The following LTBP1 variants were observed in gnomAD, a reference collection of about 807,000 sequenced individuals.
LTBP1 encodes the protein latent transforming growth factor beta binding protein 1, also known as latent-transforming growth factor beta-binding protein 1.
LTBP1 carries 129 observed loss-of-function variants against 207.6 expected under a neutral mutation model. The observed-to-expected ratio is 0.62, with a 90% CI of 0.54 to 0.72. The LOEUF (loss-of-function observed/expected upper bound fraction) is 0.72. LTBP1 is among the 30% of genes least tolerant of loss of function. The probability of loss-of-function intolerance (pLI) is 0.00; values close to 1 mark genes in which losing one functional copy is unlikely to be tolerated. For synonymous variants in LTBP1, 963 were observed against 833.7 expected (o/e 1.16, Z -2.67); for missense variants, 2,281 against 2,217.2 (o/e 1.03, Z -0.58).
At chr2:33,309,286 A>G (rs1353198303) in intron 22 of LTBP1, 148 bp from the exon 23 acceptor site, 2 of 547,882 alleles carry the variant, frequency 3.7e-6, no homozygotes, top group Non-Finnish European at 2.9e-6. Context: ...GTCTCAAAAA[A>G]AAAAAAAAAA....
At chr2:33,375,281 AG>A (rs1490015237) in intron 31 of LTBP1, among the ~76,000 whole-genome samples, 2 of 152,220 alleles carry the variant, frequency 1.3e-5, no homozygotes, top group African/African-American at 4.8e-5. Flanking sequence ...ATCCAGTTCT[AG>A]GAAATGAGTC....
At chr2:33,279,375 T>A (rs189308177) in intron 18 of LTBP1, among the ~76,000 whole-genome samples, 117 of 152,320 alleles carry the variant, frequency 7.7e-4, no homozygotes, top group African/African-American at 2.5e-3. Context: ...TTGGAAAGAA[T>A]GATGATTAAT....
At chr2:32,983,527 A>G (rs112272378) in intron 2 of LTBP1, among the ~76,000 whole-genome samples, 1 of 152,176 alleles carries the variant, frequency 6.6e-6, no homozygotes, top group South Asian at 2.1e-4. Flanking sequence ...GTGGAATGAT[A>G]TGGTTTGTCT....
intron 5 of LTBP1, among the ~76,000 whole-genome samples, chr2:33,141,200 A>T (rs189988814): frequency 2.6e-5 from 4 of 152,360 alleles, no homozygotes; most frequent in Admixed American, 2.6e-4. Context: ...ACAAAAAACC[A>T]AATACAGTAT....
chr2:33,142,297 C>T (rs879292740), intron 5 of LTBP1, among the ~76,000 whole-genome samples: 5 of 152,060 alleles, frequency 3.3e-5, no homozygotes, highest in African/African-American at 9.7e-5. Context: ...TCTCGTGATC[C>T]GCCCGCCTCG....
At chr2:33,055,867 G>A (rs1319914403) in intron 3 of LTBP1, among the ~76,000 whole-genome samples, 2 of 152,148 alleles carry the variant, frequency 1.3e-5, no homozygotes, top group African/African-American at 4.8e-5. Flanking sequence ...TGGTCCTTTG[G>A]AGATTTCTTT....
chr2:33,200,512 C>A (rs1340224474), intron 7 of LTBP1, among the ~76,000 whole-genome samples: 2 of 152,154 alleles, frequency 1.3e-5, no homozygotes, highest in Non-Finnish European at 2.9e-5. Flanking sequence ...AGACCTAAAA[C>A]CATAAAAACC....
Position 33,382,111 on chromosome 2 carries a change from T to TTTTTTTTTTTTTTTTTTTTTTTTTG in LTBP1, c.4712-7072_4712-7071insTTTTTTTTTTTTTTTTTTTTTTTGT, listed in dbSNP as rs1553316521. ...TTTTTTTTTTTTTTTTTTTTTTTTTTTGAGACAGAGTCTCGCTCTGTTGCC... is the reference window on the plus strand; with the variant it reads ...TTTTTTTTTTTTTTTTTTTTTTTTTTTTTTTTTTTTTTTTTTTTTTTTTTGTGAGACAGAGTCTCGCTCTGTTGCC... On this transcript the variant is annotated intron_variant, in intron 31 of 33. Coordinates refer to ENST00000404816, the MANE Select transcript of LTBP1 (RefSeq NM_206943.4). 5.8e-5 allele frequency among the ~76,000 whole-genome samples: 6 copies of TTTTTTTTTTTTTTTTTTTTTTTTTG among 103,650 alleles called. 2 individuals carry two copies. Among genetic ancestry groups the TTTTTTTTTTTTTTTTTTTTTTTTTG allele is most frequent in the African/African-American group, 2.9e-4 (6 of 20,682 alleles). The allele number at this position is 103,650 out of a possible 152,430, so 68.0% of individuals were successfully genotyped here. A position where few individuals can be genotyped will look rare whatever the true frequency, so the allele number is the denominator to read the frequency against.
At chr2:33,286,616 T>C (rs1422906309) in intron 19 of LTBP1, among the ~76,000 whole-genome samples, 2 of 152,228 alleles carry the variant, frequency 1.3e-5, no homozygotes, top group Admixed American at 1.3e-4. Flanking sequence ...ACTAAGCTAT[T>C]TATTGAGCTG....
chr2:33,187,735 A>C (rs1427801008), intron 6 of LTBP1, among the ~76,000 whole-genome samples: 1 of 152,240 alleles, frequency 6.6e-6, no homozygotes, highest in Non-Finnish European at 1.5e-5. Context: ...CTTGTTATAG[A>C]TATAAAATAA....
chr2:33,295,442 A>G (rs964471965), intron 20 of LTBP1, among the ~76,000 whole-genome samples: 3 of 152,084 alleles, frequency 2.0e-5, no homozygotes, highest in Admixed American at 6.6e-5. Context: ...CACAAGAATC[A>G]CTTGAACCCG....
chr2:33,241,094 T>A (rs918182961), intron 9 of LTBP1, among the ~76,000 whole-genome samples: 3 of 152,174 alleles, frequency 2.0e-5, no homozygotes, highest in Non-Finnish European at 4.4e-5. Flanking sequence ...TAATTTGTAG[T>A]AGCTCAGGAA....
At chr2:33,165,180 C>T (rs1008704225) in intron 5 of LTBP1, among the ~76,000 whole-genome samples, 3 of 152,010 alleles carry the variant, frequency 2.0e-5, no homozygotes, top group African/African-American at 7.2e-5. Context: ...TCAGAATGTC[C>T]CTCCTGGCTA....
At chr2:33,285,156 G>A (rs12996523) in intron 19 of LTBP1, among the ~76,000 whole-genome samples, 7 of 146,742 alleles carry the variant, frequency 4.8e-5, no homozygotes, top group African/African-American at 1.3e-4. Flanking sequence ...ATTCTCCTGC[G>A]TCAGCCTCCC....
intron 5 of LTBP1, among the ~76,000 whole-genome samples, chr2:33,164,789 G>T (rs533913080): frequency 6.6e-6 from 1 of 152,210 alleles, no homozygotes; most frequent in East Asian, 1.9e-4. Flanking sequence ...ACCTACTTAG[G>T]GCATTCACAG....
intron 4 of LTBP1, among the ~76,000 whole-genome samples, chr2:33,113,339 T>C (rs568286282): frequency 5.3e-4 from 81 of 152,306 alleles, no homozygotes; most frequent in Admixed American, 1.1e-3. Flanking sequence ...GGAATAAGGA[T>C]TTGCTCTCGA....
At chr2:33,111,010 T>C (rs2080369283) in intron 4 of LTBP1, among the ~76,000 whole-genome samples, 2 of 152,218 alleles carry the variant, frequency 1.3e-5, no homozygotes, top group African/African-American at 4.8e-5. Context: ...TATGGCTTCA[T>C]GTCTAAGACA....
At chr2:33,044,114 TAAAGGA>T (rs1218057226) in intron 3 of LTBP1, among the ~76,000 whole-genome samples, 15 of 145,980 alleles carry the variant, frequency 1.0e-4, no homozygotes, top group Non-Finnish European at 1.8e-4. Context: ...ATAGAGTTGT[TAAAGGA>T]AAAAGTATTT....
chr2:33,375,792 T>A (rs917470469), intron 31 of LTBP1, among the ~76,000 whole-genome samples: 2 of 150,878 alleles, frequency 1.3e-5, no homozygotes, highest in African/African-American at 2.4e-5. Flanking sequence ...TCTGCCCGCC[T>A]CGGCCTCCCA....
Sources: allele counts gnomAD v4.1 joint callset (sites outside exome capture counted in the v4.1 genomes callset), GRCh38; gene constraint gnomAD v4.1.1; transcripts MANE v1.5; gene names NCBI Gene and HGNC (gene_info 2026-07-23, HGNC 2026-07-21).